Variants in SNTG1 observed in about 807,000 individuals in gnomAD.
The protein encoded by SNTG1 is syntrophin gamma 1.
In SNTG1, 39 loss-of-function variants were observed where a neutral mutation model predicts 74.7. The ratio of observed to expected loss-of-function variants is 0.52; its 90% CI spans 0.40 to 0.68. SNTG1 has a LOEUF of 0.68. SNTG1 is among the 30% of genes least tolerant of loss of function. The probability of loss-of-function intolerance (pLI) is 0.00; values close to 1 mark genes in which losing one functional copy is unlikely to be tolerated. For synonymous variants in SNTG1, 254 were observed against 217.1 expected (o/e 1.17, Z -1.49); for missense variants, 685 against 609.5 (o/e 1.12, Z -1.30).
chr8:50,611,613 A>G (rs1409080496), intron 13 of SNTG1, among the ~76,000 whole-genome samples: 1 of 152,186 alleles, frequency 6.6e-6, no homozygotes, highest in Non-Finnish European at 1.5e-5. Flanking sequence ...TGCTTTTACT[A>G]CTGTGATACC....
chr8:50,710,255 T>C (rs1476107900), intron 17 of SNTG1, among the ~76,000 whole-genome samples: 1 of 152,230 alleles, frequency 6.6e-6, no homozygotes. Context: ...GAATACTTTG[T>C]GAATAAGGAA....
rs1001137290 is a variant in SNTG1, at chr8:49,971,697, C to T, written c.-103+59466C>T. Among the ~76,000 whole-genome samples the T allele has an allele frequency of 3.3e-5, 5 of 152,234 alleles. 1 individual carries two copies. In the South Asian group the frequency reaches 8.3e-4, roughly 25 times the overall value. ...GGATACAAAATCAATGTGCAAAAAT[C>T]ACAAGCATTCTTATACACCAATAAC... On this transcript the variant is annotated intron_variant, in intron 1 of 18. Transcript: ENST00000642720.
chr8:50,300,277 A>G (rs939753416), intron 2 of SNTG1, among the ~76,000 whole-genome samples: 4 of 152,142 alleles, frequency 2.6e-5, no homozygotes, highest in Non-Finnish European at 4.4e-5. Flanking sequence ...CTTCATGAAG[A>G]CTTTTGTTAG....
chr8:50,597,844 G>C (rs1252243094), intron 13 of SNTG1, among the ~76,000 whole-genome samples: 1 of 151,744 alleles, frequency 6.6e-6, no homozygotes, highest in African/African-American at 2.4e-5. Context: ...GTAAATGTTG[G>C]CCATTTGTAT....
intron 2 of SNTG1, among the ~76,000 whole-genome samples, chr8:50,206,255 T>C (rs186322201): frequency 5.7e-4 from 87 of 152,280 alleles, no homozygotes; most frequent in African/African-American, 1.6e-3. Context: ...GAGCAGTGTT[T>C]TGTAGTTCTC....
chr8:50,564,046 T>C (rs181867177), intron 12 of SNTG1, among the ~76,000 whole-genome samples: 1 of 152,236 alleles, frequency 6.6e-6, no homozygotes, highest in East Asian at 1.9e-4. Context: ...CAACTTTCTT[T>C]TTCAAAGACA....
rs528484470 is a variant in SNTG1 at position 50,645,255 on chromosome 8, G to T, written c.850-11654G>T. 5.9e-5 allele frequency among the ~76,000 whole-genome samples: 9 copies of T among 151,452 alleles called. No homozygotes were observed. The South Asian group carries it at 1.7e-3, about 28-fold the overall frequency. On this transcript the variant is annotated intron_variant, in intron 13 of 18. Transcript: ENST00000642720. ...ATTCTTTGCTCCTCTCTTCAATTGT[G>T]TATAAACTTCTGGTAAACTCATATA...
intron 9 of SNTG1, among the ~76,000 whole-genome samples, chr8:50,521,986 T>C (rs1349865836): frequency 6.6e-6 from 1 of 152,132 alleles, no homozygotes; most frequent in African/African-American, 2.4e-5. Flanking sequence ...TTTTACCTAC[T>C]CCTGTCAATA....
intron 8 of SNTG1, among the ~76,000 whole-genome samples, chr8:50,484,137 C>CTTTCTTTCTTTCCTTCT (rs1563453444): frequency 3.6e-5 from 2 of 55,868 alleles, no homozygotes; most frequent in African/African-American, 5.5e-5. Context: ...TCTTTCTTTC[C>CTTTCTTTCTTTCCTTCT]TTCTTTCTTT....
intron 13 of SNTG1, among the ~76,000 whole-genome samples, chr8:50,615,334 G>A (rs2094878957): frequency 6.6e-6 from 1 of 152,130 alleles, no homozygotes; most frequent in Admixed American, 6.6e-5. Flanking sequence ...CAGCTGAATG[G>A]AACTGTGGCT....
intron 1 of SNTG1, among the ~76,000 whole-genome samples, chr8:49,917,043 A>T (rs1806108560): frequency 6.6e-6 from 1 of 151,710 alleles, no homozygotes; most frequent in South Asian, 2.1e-4. Context: ...TAAAAATAAT[A>T]AATTTTATTT....
intron 1 of SNTG1, among the ~76,000 whole-genome samples, chr8:50,055,046 T>A (rs1321868053): frequency 6.6e-6 from 1 of 152,094 alleles, no homozygotes; most frequent in Admixed American, 6.6e-5. Context: ...CTTTCTTAAA[T>A]TCTTCAAATG....
chr8:50,067,658 C>T (rs889499806), intron 1 of SNTG1, among the ~76,000 whole-genome samples: 4 of 152,038 alleles, frequency 2.6e-5, no homozygotes, highest in African/African-American at 9.7e-5. Flanking sequence ...AGGTACAAAC[C>T]CACAGTTGAC....
intron 2 of SNTG1, among the ~76,000 whole-genome samples, chr8:50,300,078 T>C (rs1048579037): frequency 6.6e-6 from 1 of 152,166 alleles, no homozygotes; most frequent in Admixed American, 6.6e-5. Context: ...TTAGTTTTAG[T>C]ATCTCATTCA....
intron 1 of SNTG1, among the ~76,000 whole-genome samples, chr8:49,952,636 C>T (rs1809823960): frequency 6.6e-6 from 1 of 152,116 alleles, no homozygotes; most frequent in South Asian, 2.1e-4. Context: ...CAACAGCCAC[C>T]AAAAAGTATC....
At chr8:50,185,564 G>C (rs1331272570) in intron 2 of SNTG1, among the ~76,000 whole-genome samples, 1 of 152,242 alleles carries the variant, frequency 6.6e-6, no homozygotes, top group East Asian at 1.9e-4. Context: ...TTCCCACATA[G>C]ACCATACTGC....
rs189538241 is a variant in SNTG1, at chr8:50,564,653, T to G, written c.810+11474T>G. Among the ~76,000 whole-genome samples, 9 of 152,258 alleles carry G rather than the reference T, an allele frequency of 5.9e-5. No individual in the cohort carries two copies. In the East Asian group the frequency reaches 1.4e-3, roughly 23 times the overall value. ...GATTTTAGTGTTGTTGCCTTCTTTC[T>G]TAGCTTACAATGATATTTAAGATGT... On this transcript the variant is annotated intron_variant, in intron 12 of 18. Coordinates refer to ENST00000642720, the MANE Select transcript of SNTG1 (RefSeq NM_018967.5).
At chr8:50,707,964 A>G in intron 16 of SNTG1, 1 of 381,022 alleles carries the variant, frequency 2.6e-6, no homozygotes, top group Non-Finnish European at 4.6e-6. Context: ...GCACTTTGGG[A>G]GGCCGAGGCG....
chr8:50,267,300 C>T (rs4873441), intron 2 of SNTG1, among the ~76,000 whole-genome samples: 8,151 of 152,118 alleles, frequency 0.054, 496 homozygotes, highest in South Asian at 0.16. Flanking sequence ...ATAAAAACTT[C>T]TGCATCTCAG....
Sources: allele counts gnomAD v4.1 joint callset (sites outside exome capture counted in the v4.1 genomes callset), GRCh38; gene constraint gnomAD v4.1.1; transcripts MANE v1.5; gene names NCBI Gene and HGNC (gene_info 2026-07-23, HGNC 2026-07-21).